Variants in ORC4 observed in about 807,000 individuals in gnomAD.
The protein encoded by ORC4 is origin recognition complex, subunit 4 homolog.
In ORC4, 55 loss-of-function variants were observed where a neutral mutation model predicts 63.9. The ratio of observed to expected loss-of-function variants is 0.86; its 90% CI spans 0.69 to 1.08. The LOEUF is 1.08. Ranked by LOEUF, ORC4 falls within the 50% of genes least tolerant of loss-of-function variation. The pLI is 0.00. For missense variants in ORC4, 511 were observed against 504.4 expected (o/e 1.01, Z -0.13); for synonymous variants, 150 against 168.5 (o/e 0.89, Z 0.85).
chr2:147,955,334 T>C lies in ORC4; in HGVS notation c.436+13A>G, dbSNP rs1400274288. 3.8e-6 allele frequency: 6 copies of C among 1,571,068 alleles called. No individual in the cohort carries two copies. The African/African-American group carries it at 4.1e-5, about 11-fold the overall frequency. ...ACAGATCTTCTGAAACGGCTGAATA[T>C]GTTAATATTTACCTTTTTTTAAAGC... On this transcript the variant is annotated intron_variant, in intron 7 of 13. Coordinates refer to ENST00000392857, the MANE Select transcript of ORC4 (RefSeq NM_181741.4).
chr2:147,952,182 C>A (rs1688992640), intron 8 of ORC4, among the ~76,000 whole-genome samples, 191 bp downstream of exon 8: 1 of 152,052 alleles, frequency 6.6e-6, no homozygotes, highest in Non-Finnish European at 1.5e-5. Flanking sequence ...GGGAGGTATT[C>A]ATTAATGGGC....
chr2:147,968,843 T>A (rs1690047015), intron 4 of ORC4, among the ~76,000 whole-genome samples: 1 of 151,886 alleles, frequency 6.6e-6, no homozygotes, highest in Non-Finnish European at 1.5e-5. Flanking sequence ...GTATTTATTG[T>A]TGTACTATTC....
chr2:147,960,250 C>T (rs1689513891), intron 4 of ORC4: 8 of 985,142 alleles, frequency 8.1e-6, no homozygotes, highest in Non-Finnish European at 9.6e-6. Flanking sequence ...ACTTTAAACA[C>T]CAACTTATGC....
At chr2:148,005,654 T>C (rs1339052350) in intron 1 of ORC4, among the ~76,000 whole-genome samples, 1 of 64,910 alleles carries the variant, frequency 1.5e-5, no homozygotes, top group Non-Finnish European at 2.7e-5. Context: ...CAACTATCCA[T>C]GCAAAAAAAA....
intron 10 of ORC4, among the ~76,000 whole-genome samples, chr2:147,940,072 C>T (rs1006994274): frequency 6.6e-6 from 1 of 152,284 alleles, no homozygotes; most frequent in African/African-American, 2.4e-5. Flanking sequence ...GAGAGTTTGG[C>T]AATCCTTGTC....
chr2:147,987,407 CACACAA>C (rs1691284726), intron 1 of ORC4, among the ~76,000 whole-genome samples: 4 of 147,466 alleles, frequency 2.7e-5, no homozygotes, highest in East Asian at 2.0e-4. Flanking sequence ...CACACACACA[CACACAA>C]AAAGTAACAT....
intron 1 of ORC4, 41 bp from the exon 2 acceptor site, chr2:147,976,016 T>A: frequency 1.1e-6 from 1 of 949,376 alleles, no homozygotes; most frequent in Non-Finnish European, 1.7e-6. Context: ...CGTAGTGACT[T>A]AAAGAGATTA....
Position 147,934,647 on chromosome 2 carries a change from C to T in ORC4, c.*863G>A, listed in dbSNP as rs938039077. 3 of 152,064 alleles carry T rather than the reference C, an allele frequency of 2.0e-5. No individual in the cohort carries two copies. The highest frequency in any genetic ancestry group is 7.2e-5 in the African/African-American group (3 of 41,408). 9.4% of individuals were successfully genotyped at this position (152,064 alleles called of 1,614,324 possible). On this transcript the variant is annotated 3_prime_UTR_variant, in exon 14 of 14. Coordinates refer to ENST00000392857, the MANE Select transcript of ORC4 (RefSeq NM_181741.4). ...TACACACTTAGGCTATACAGATAGC[C>T]TAGCCTATTACTCTTCAGCTATAGC...
At chr2:147,947,669 A>G (rs1688732145) in intron 9 of ORC4, 1 of 154,036 alleles carries the variant, frequency 6.5e-6, no homozygotes, top group East Asian at 1.9e-4. Context: ...ATCCACACAT[A>G]ATAGGTATGA....
chr2:148,013,976 C>T (rs926513760), intron 1 of ORC4, among the ~76,000 whole-genome samples: 1 of 152,112 alleles, frequency 6.6e-6, no homozygotes, highest in African/African-American at 2.4e-5. Flanking sequence ...GTTCTGAGGA[C>T]ATTTTCCTGT....
chr2:147,955,601 C>T (rs1160672703), intron 6 of ORC4, among the ~76,000 whole-genome samples: 1 of 151,714 alleles, frequency 6.6e-6, no homozygotes, highest in East Asian at 1.9e-4. Flanking sequence ...ATGGCAATTA[C>T]AATGTCATCT....
intron 2 of ORC4, among the ~76,000 whole-genome samples, chr2:147,975,078 A>G (rs1690466020): frequency 6.6e-6 from 1 of 152,224 alleles, no homozygotes; most frequent in Non-Finnish European, 1.5e-5. Context: ...ACTTCCTTCA[A>G]AAAGAAAGCC....
At chr2:147,944,357 T>A (rs991708104) in intron 9 of ORC4, among the ~76,000 whole-genome samples, 1 of 151,926 alleles carries the variant, frequency 6.6e-6, no homozygotes, top group Non-Finnish European at 1.5e-5. Flanking sequence ...TACCAAAGAC[T>A]GGAAGAGAAT....
chr2:147,979,090 T>C (rs889031811), intron 1 of ORC4, among the ~76,000 whole-genome samples: 2 of 152,148 alleles, frequency 1.3e-5, no homozygotes, highest in African/African-American at 4.8e-5. Context: ...ATATTCAATA[T>C]AGTACTGCAA....
intron 13 of ORC4, chr2:147,936,953 G>A (rs1261297253): frequency 6.6e-6 from 1 of 150,384 alleles, no homozygotes; most frequent in Non-Finnish European, 1.5e-5. Flanking sequence ...GGGAGGCAGA[G>A]GTTGCAGTGA....
chr2:147,940,870 AATATCT>A (rs2105264541), intron 10 of ORC4, among the ~76,000 whole-genome samples: 1 of 152,192 alleles, frequency 6.6e-6, no homozygotes, highest in East Asian at 1.9e-4. Flanking sequence ...GAGAATAATA[AATATCT>A]ATGACTACTT....
chr2:147,991,426 A>G (rs1414489139), intron 1 of ORC4, among the ~76,000 whole-genome samples: 4 of 152,224 alleles, frequency 2.6e-5, no homozygotes. Context: ...AAGCCAATAA[A>G]GTTGTTTTCA....
chr2:148,021,497 T>C (rs1693726482), upstream of ORC4: 1 of 576,012 alleles, frequency 1.7e-6, no homozygotes, highest in Non-Finnish European at 3.3e-6. Context: ...CTGCTGCTGC[T>C]ACTGCTGCTG....
intron 1 of ORC4, among the ~76,000 whole-genome samples, chr2:147,995,915 G>A (rs779463503): frequency 6.6e-6 from 1 of 151,756 alleles, no homozygotes; most frequent in Non-Finnish European, 1.5e-5. Flanking sequence ...CAGGAGAATC[G>A]CTTGAACCCA....
Sources: gnomAD v4.1 joint callset for allele counts (sites outside exome capture counted in the v4.1 genomes callset) on GRCh38, gnomAD v4.1.1 for gene constraint, MANE v1.5 for transcripts, NCBI Gene and HGNC (gene_info 2026-07-23, HGNC 2026-07-21) for gene names.